FAM13A: variants seen among roughly 807,000 people sequenced by gnomAD.
FAM13A encodes family with sequence similarity 13 member A.
FAM13A carries 76 observed loss-of-function variants against 129.6 expected under a neutral mutation model. The ratio of observed to expected loss-of-function variants is 0.59; its 90% CI spans 0.49 to 0.71. The LOEUF (loss-of-function observed/expected upper bound fraction) is 0.71. Among genes scored for constraint, FAM13A ranks in the 30% least tolerant of loss-of-function variants. The probability of loss-of-function intolerance (pLI) is 0.00; values close to 1 mark genes in which losing one functional copy is unlikely to be tolerated. For synonymous variants in FAM13A, 443 were observed against 449.9 expected (o/e 0.98, Z 0.20); for missense variants, 1,108 against 1,249.3 (o/e 0.89, Z 1.70).
chr4:88,784,049 T>G (rs1280340722), intron 10 of FAM13A, among the ~76,000 whole-genome samples: 2 of 152,214 alleles, frequency 1.3e-5, no homozygotes, highest in African/African-American at 4.8e-5. Context: ...AAGTAAAGTT[T>G]ATTTTATGAT....
intron 5 of FAM13A, among the ~76,000 whole-genome samples, chr4:88,932,769 T>A (rs962622161): frequency 2.0e-5 from 3 of 152,168 alleles, no homozygotes; most frequent in Non-Finnish European, 4.4e-5. Context: ...TGGTCAAACT[T>A]GCCATAACAT....
intron 4 of FAM13A, among the ~76,000 whole-genome samples, chr4:88,964,152 C>G (rs143440095): frequency 6.6e-6 from 1 of 152,152 alleles, no homozygotes; most frequent in Non-Finnish European, 1.5e-5. Context: ...TTCTTTCATA[C>G]GGCTGAGAAT....
intron 6 of FAM13A, among the ~76,000 whole-genome samples, chr4:88,903,458 C>T (rs1159072832): frequency 2.0e-5 from 3 of 152,064 alleles, no homozygotes; most frequent in Non-Finnish European, 2.9e-5. Flanking sequence ...GAAATAAGAC[C>T]GAACACCTAC....
At chr4:88,774,284 C>T (rs1057355673) in intron 11 of FAM13A, among the ~76,000 whole-genome samples, 1 of 152,158 alleles carries the variant, frequency 6.6e-6, no homozygotes, top group East Asian at 1.9e-4. Context: ...GCATGTATTG[C>T]CATCTAACTA....
At chr4:88,771,320 C>T (rs760147675) in intron 11 of FAM13A, among the ~76,000 whole-genome samples, 2 of 151,992 alleles carry the variant, frequency 1.3e-5, no homozygotes, top group Non-Finnish European at 2.9e-5. Context: ...TCAGTAATCT[C>T]TCTACTTCAC....
At chr4:88,939,700 A>G (rs1236766327) in intron 4 of FAM13A, among the ~76,000 whole-genome samples, 2 of 152,168 alleles carry the variant, frequency 1.3e-5, no homozygotes, top group Non-Finnish European at 2.9e-5. Context: ...TTGTGTCACA[A>G]TGGATGAAAC....
At position 88,787,830 on chromosome 4, in the gene FAM13A, T is replaced by C; in HGVS notation, c.1194A>G (p.Ser398=). 6.2e-7 allele frequency: 1 copy of C among 1,613,736 alleles called. No individual in the cohort carries two copies. Among genetic ancestry groups the C allele is most frequent in the Non-Finnish European group, 8.5e-7 (1 of 1,179,738 alleles). ...SSEDSESGTL[S]ASSATSARQR... is the part of the protein sequence containing the mutation. ...GTCTGGCAGATGTGGCAGAAGATGCTGATAGTGTTCCAGATTCTGAGTCCT... is the reference window on the plus strand; with the variant it reads ...GTCTGGCAGATGTGGCAGAAGATGCCGATAGTGTTCCAGATTCTGAGTCCT... Residue 398 remains serine, a synonymous_variant, in exon 10 of 24, where the codon TCA becomes TCG. Coordinates refer to ENST00000264344, the MANE Select transcript of FAM13A (RefSeq NM_014883.4).
Position 88,938,193 on chromosome 4 carries a change from C to G in FAM13A, c.654G>C (p.Lys218Asn), listed in dbSNP as rs772298590. 5.6e-6 allele frequency: 9 copies of G among 1,613,430 alleles called. No individual in the cohort carries two copies. The highest frequency in any genetic ancestry group is 2.5e-6 in the Non-Finnish European group (3 of 1,179,578). ...EGMKEQDLCN[K>N]IMAKILENYN... ...AATTTTCTAGAATTTTAGCCATTAT[C>G]TTGTTGCACAGGTCCTGTTCCTTCA... is the stretch of plus-strand genomic sequence containing the variant. Residue 218 changes from lysine (K) to asparagine (N), a missense_variant, in exon 5 of 24, where the codon AAG (lysine) becomes AAC (asparagine). By Grantham distance (94) the Lys-to-Asn change is moderately conservative (BLOSUM62 0). Coordinates refer to ENST00000264344, the MANE Select transcript of FAM13A (RefSeq NM_014883.4).
At chr4:88,878,287 C>CAAAAAAAAAAAAAAAAAAA (rs56067813) in intron 6 of FAM13A, among the ~76,000 whole-genome samples, 1 of 61,062 alleles carries the variant, frequency 1.6e-5, no homozygotes, top group African/African-American at 7.3e-5. Flanking sequence ...GACTCCATCT[C>CAAAAAAAAAAAAAAAAAAA]AAAAAAAAAA....
At chr4:88,824,997 AC>A (rs1384199215) in intron 7 of FAM13A, among the ~76,000 whole-genome samples, 1 of 152,044 alleles carries the variant, frequency 6.6e-6, no homozygotes, top group African/African-American at 2.4e-5. Context: ...CTTAAGCTTA[AC>A]ACTTTAAATA....
In FAM13A at chr4:88,991,242, CA is replaced by C. The variant is rs375222796; in HGVS notation, c.428-93del. On this transcript the variant is annotated intron_variant, in intron 3 of 23. Coordinates refer to ENST00000264344, the MANE Select transcript of FAM13A (RefSeq NM_014883.4). ...GTGTAATACATTCTAACATTTTATT[CA>C]GAAAAAAACTCTTGAGAGACTGAGA... 487 of 921,384 alleles carry C rather than the reference CA, an allele frequency of 5.3e-4. 1 individual carries two copies. The African/African-American group carries it at 6.5e-3, about 12-fold the overall frequency. 57.1% of individuals were successfully genotyped at this position (921,384 alleles called of 1,614,324 possible). A position where few individuals can be genotyped will look rare whatever the true frequency, so the allele number is the denominator to read the frequency against.
chr4:88,986,454 G>A (rs1029423523), intron 4 of FAM13A, among the ~76,000 whole-genome samples: 4 of 152,162 alleles, frequency 2.6e-5, no homozygotes, highest in African/African-American at 7.2e-5. Flanking sequence ...TTTAAGCCAC[G>A]TAAGTGTTAT....
chr4:88,974,004 G>A (rs947806711), intron 4 of FAM13A, among the ~76,000 whole-genome samples: 3 of 152,106 alleles, frequency 2.0e-5, no homozygotes, highest in South Asian at 2.1e-4. Flanking sequence ...AGCTTTCCTC[G>A]AAGGCAACCC....
chr4:88,799,238 G>A (rs1056220180), intron 8 of FAM13A, among the ~76,000 whole-genome samples: 12 of 152,212 alleles, frequency 7.9e-5, no homozygotes, highest in African/African-American at 2.9e-4. Flanking sequence ...CACCTAGCAC[G>A]ACCTGAGACT....
intron 14 of FAM13A, among the ~76,000 whole-genome samples, chr4:88,751,195 T>C (rs1194484559): frequency 1.3e-5 from 2 of 152,154 alleles, no homozygotes. Context: ...TGAGCAGAGA[T>C]TGCGCCACTG....
chr4:88,946,160 G>C (rs1160948230), intron 4 of FAM13A, among the ~76,000 whole-genome samples: 1 of 150,334 alleles, frequency 6.7e-6, no homozygotes, highest in African/African-American at 2.4e-5. Context: ...TTCTTTCTTT[G>C]TTCTATTCCC....
At chr4:89,020,417 T>C (rs1464609712) in intron 3 of FAM13A, 43 bp downstream of exon 3, 2 of 1,451,962 alleles carry the variant, frequency 1.4e-6, no homozygotes, top group East Asian at 2.3e-5. Context: ...GTGCCCAGCC[T>C]AGTAAAGTTG....
At chr4:88,756,822 A>G (rs1401144180) in intron 14 of FAM13A, among the ~76,000 whole-genome samples, 1 of 152,182 alleles carries the variant, frequency 6.6e-6, no homozygotes, top group Non-Finnish European at 1.5e-5. Context: ...GAAAGTTACA[A>G]TAAGTACATA....
chr4:88,973,185 G>A (rs562845438), intron 4 of FAM13A, among the ~76,000 whole-genome samples: 2 of 140,034 alleles, frequency 1.4e-5, no homozygotes, highest in South Asian at 4.4e-4. Context: ...GAGCTTATTG[G>A]ATCTCTGGTT....
Sources: allele counts gnomAD v4.1 joint callset (sites outside exome capture counted in the v4.1 genomes callset), GRCh38; gene constraint gnomAD v4.1.1; transcripts MANE v1.5; gene names NCBI Gene and HGNC (gene_info 2026-07-23, HGNC 2026-07-21).